Variants in UNC5D observed in about 807,000 individuals in gnomAD.
The protein encoded by UNC5D is unc-5 netrin receptor D.
Under a neutral mutation model 105.4 loss-of-function variants are expected in UNC5D, and 39 were observed. That is an observed-to-expected ratio of 0.37 (90% CI 0.29 to 0.48). The LOEUF (loss-of-function observed/expected upper bound fraction) is 0.48. UNC5D is among the 20% of genes least tolerant of loss of function. The probability of loss-of-function intolerance (pLI) is 0.98; values close to 1 mark genes in which losing one functional copy is unlikely to be tolerated. For synonymous variants in UNC5D, 452 were observed against 450.4 expected (o/e 1.00, Z -0.04); for missense variants, 991 against 1,202.4 (o/e 0.82, Z 2.60).
intron 1 of UNC5D, among the ~76,000 whole-genome samples, chr8:35,240,953 T>C (rs1489017372): frequency 6.6e-6 from 1 of 152,216 alleles, no homozygotes; most frequent in Non-Finnish European, 1.5e-5. Context: ...TTGTTTTCAA[T>C]TTTGAATTTC....
chr8:35,327,478 T>C (rs1810256453), intron 1 of UNC5D, among the ~76,000 whole-genome samples: 1 of 152,184 alleles, frequency 6.6e-6, no homozygotes, highest in Admixed American at 6.5e-5. Context: ...TATCACATAG[T>C]CCATATTTGG....
At chr8:35,675,430 C>T (rs16884220) in intron 4 of UNC5D, among the ~76,000 whole-genome samples, 1,867 of 152,022 alleles carry the variant, frequency 0.012, 52 homozygotes, top group African/African-American at 0.043. Context: ...AGAAGCTTGC[C>T]GACAAGTAGA....
chr8:35,755,423 T>G (rs7844702), intron 13 of UNC5D, among the ~76,000 whole-genome samples: 11,391 of 152,090 alleles, frequency 0.075, 1,162 homozygotes, highest in African/African-American at 0.23. Context: ...TGTTGGGAAA[T>G]ATTGTTCACG....
chr8:35,368,618 G>A lies in UNC5D; in HGVS notation c.103+132731G>A, dbSNP rs527387446. Among the ~76,000 whole-genome samples the A allele has an allele frequency of 3.3e-3, 491 of 150,204 alleles. 3 individuals carry two copies. The highest frequency in any genetic ancestry group is 5.1e-3 in the Non-Finnish European group (347 of 67,678). ...TATATTAAATATATATAAATAATAT[G>A]TATTATGTCTCTTATATATTTGTTA... On this transcript the variant is annotated intron_variant, in intron 1 of 16. Transcript: ENST00000404895.
chr8:35,794,374 C>T lies in UNC5D; in HGVS notation c.*3811C>T, dbSNP rs578071525. Reference sequence around the variant, plus strand: ...CTGTGGCCCATTGTCATTGTTTCCTCATGAAACATTGCAGAGTTTGAATCC... The same window carrying T: ...CTGTGGCCCATTGTCATTGTTTCCTTATGAAACATTGCAGAGTTTGAATCC... On this transcript the variant is annotated 3_prime_UTR_variant, in exon 17 of 17. Coordinates refer to ENST00000404895, the MANE Select transcript of UNC5D (RefSeq NM_080872.4). 6.6e-6 allele frequency: 1 copy of T among 152,314 alleles called. No individual in the cohort carries two copies. Among genetic ancestry groups the T allele is most frequent in the East Asian group, 1.9e-4 (1 of 5,178 alleles). The allele number at this position is 152,314 out of a possible 1,614,324, so 9.4% of individuals were successfully genotyped here. A position where few individuals can be genotyped will look rare whatever the true frequency, so the allele number is the denominator to read the frequency against.
At position 35,235,877 on chromosome 8, in the gene UNC5D, G is replaced by T; in HGVS notation, c.93G>T (p.Ala31=). 1.6e-6 allele frequency: 2 copies of T among 1,228,406 alleles called. No individual in the cohort carries two copies. Among genetic ancestry groups the T allele is most frequent in the South Asian group, 4.1e-5 (1 of 24,212 alleles). The allele number at this position is 1,228,406 out of a possible 1,614,324, so 76.1% of individuals were successfully genotyped here. The part of the protein sequence containing the change: ...LGLCFWAAGT[A]AARGTDNGEA... ...TGTGCTTCTGGGCGGCAGGGACCGC[G>T]GCTGCCCGAGGTAAGCGCTGGGCGG... Residue 31 remains alanine (A), a synonymous_variant, in exon 1 of 17, where the codon GCG becomes GCT. Transcript: ENST00000404895.
At chr8:35,549,898 T>C (rs1487772443) in intron 2 of UNC5D, among the ~76,000 whole-genome samples, 4 of 152,002 alleles carry the variant, frequency 2.6e-5, no homozygotes, top group Admixed American at 2.6e-4. Context: ...TCTTTAATCT[T>C]TCCTAGATTT....
intron 1 of UNC5D, among the ~76,000 whole-genome samples, chr8:35,316,740 G>C (rs1241036022): frequency 3.9e-5 from 6 of 151,904 alleles, no homozygotes; most frequent in Admixed American, 3.9e-4. Context: ...TTTTTATTGA[G>C]ACTGCATTTC....
chr8:35,323,813 T>G (rs1997315), intron 1 of UNC5D, among the ~76,000 whole-genome samples: 124,219 of 152,076 alleles, frequency 0.82, 51,238 homozygotes, highest in East Asian at 1. Flanking sequence ...TAAACTATTA[T>G]AATTAGTAGC....
At chr8:35,409,787 A>T (rs1039388363) in intron 1 of UNC5D, among the ~76,000 whole-genome samples, 1 of 152,014 alleles carries the variant, frequency 6.6e-6, no homozygotes, top group Non-Finnish European at 1.5e-5. Context: ...TTGATGTCAC[A>T]TCTAAACCCA....
chr8:35,724,707 C>G (rs1828765877), intron 9 of UNC5D, among the ~76,000 whole-genome samples: 3 of 152,294 alleles, frequency 2.0e-5, no homozygotes, highest in Admixed American at 2.0e-4. Flanking sequence ...ACTTCAGAGG[C>G]TAGGGCTTGA....
chr8:35,358,656 TC>T (rs1398579470), intron 1 of UNC5D, among the ~76,000 whole-genome samples: 2 of 152,014 alleles, frequency 1.3e-5, no homozygotes, highest in Non-Finnish European at 2.9e-5. Flanking sequence ...AAAAAGTAGT[TC>T]CCCCTTCCTG....
At chr8:35,465,172 T>A (rs1809207918) in intron 1 of UNC5D, among the ~76,000 whole-genome samples, 1 of 152,160 alleles carries the variant, frequency 6.6e-6, no homozygotes, top group Non-Finnish European at 1.5e-5. Context: ...GGGCAGATTG[T>A]TTGAGTCCTG....
At chr8:35,685,808 A>T (rs944957888) in intron 6 of UNC5D, among the ~76,000 whole-genome samples, 10 of 152,030 alleles carry the variant, frequency 6.6e-5, no homozygotes, top group African/African-American at 9.6e-5. Flanking sequence ...CAAGTTCAGT[A>T]TTTTTTTTAT....
chr8:35,765,588 T>G (rs1451154448), intron 14 of UNC5D, among the ~76,000 whole-genome samples: 1 of 152,140 alleles, frequency 6.6e-6, no homozygotes, highest in African/African-American at 2.4e-5. Flanking sequence ...CCTTCCTGAG[T>G]CCACCAGAAA....
intron 4 of UNC5D, among the ~76,000 whole-genome samples, chr8:35,677,841 T>C (rs568948654): frequency 6.6e-6 from 1 of 151,926 alleles, no homozygotes; most frequent in Non-Finnish European, 1.5e-5. Flanking sequence ...ATGCTTGTCA[T>C]TTCCATGAGA....
intron 11 of UNC5D, among the ~76,000 whole-genome samples, chr8:35,742,319 T>C (rs1418348705): frequency 6.6e-6 from 1 of 152,076 alleles, no homozygotes; most frequent in African/African-American, 2.4e-5. Flanking sequence ...CCACAGCAAT[T>C]TTAGTACCCC....
At position 35,661,697 on chromosome 8, in the gene UNC5D, C is replaced by G. The variant is rs538930871; in HGVS notation, c.571-21850C>G. Among the ~76,000 whole-genome samples the G allele has an allele frequency of 3.9e-5, 6 of 152,290 alleles. No individual in the cohort carries two copies. The South Asian group carries it at 1.2e-3, about 32-fold the overall frequency. ...CACAGCACACAGGACTTCCTGTCAG[C>G]TTGGAGAAAAGCTTCTATCTAGTTA... On this transcript the variant is annotated intron_variant, in intron 4 of 16. Transcript: ENST00000404895.
At chr8:35,405,537 A>G (rs1294244482) in intron 1 of UNC5D, among the ~76,000 whole-genome samples, 2 of 152,224 alleles carry the variant, frequency 1.3e-5, no homozygotes, top group Admixed American at 6.5e-5. Context: ...ATTAATTTGC[A>G]TATTCACATT....
Sources: gnomAD v4.1 joint callset for allele counts (sites outside exome capture counted in the v4.1 genomes callset) on GRCh38, gnomAD v4.1.1 for gene constraint, MANE v1.5 for transcripts, NCBI Gene and HGNC (gene_info 2026-07-23, HGNC 2026-07-21) for gene names.